TTN: variants seen among roughly 807,000 people sequenced by gnomAD.
The protein encoded by TTN is connectin.
A neutral mutation model predicts 3,223.0 loss-of-function variants in TTN; 1,525 were observed. That is an observed-to-expected ratio of 0.47 (90% CI 0.45 to 0.49). TTN has a LOEUF of 0.49. Ranked by LOEUF, TTN falls within the 20% of genes least tolerant of loss-of-function variation. The pLI is 0.00. For missense variants in TTN, 40,786 were observed against 43,424.0 expected (o/e 0.94, Z 5.40); for synonymous variants, 14,094 against 15,161.0 (o/e 0.93, Z 5.17).
intron 48 of TTN, 24 bp from the exon 49 acceptor site, chr2:178,738,384 T>TA: frequency 1.3e-6 from 2 of 1,592,290 alleles, no homozygotes; most frequent in Non-Finnish European, 1.7e-6. Flanking sequence ...TAGAGTCCAT[T>TA]AACATGCCTC....
Position 178,717,669 on chromosome 2 carries a change from T to C in TTN, c.25205A>G (p.Asp8402Gly), listed in dbSNP as rs954211095. 6.2e-7 allele frequency: 1 copy of C among 1,613,490 alleles called. No homozygotes were observed. The highest frequency in any genetic ancestry group is 1.7e-5 in the Admixed American group (1 of 59,988). ...SWYKDGVLLK[D>G]DANLQTSFVH... Reference sequence around the variant, plus strand: ...AAAAGATGTCTGCAAATTAGCATCATCTTTCAAAAGAACCCCATCCTTGTA... The same window carrying C: ...AAAAGATGTCTGCAAATTAGCATCACCTTTCAAAAGAACCCCATCCTTGTA... Residue 8402 changes from aspartate to glycine, a missense_variant, in exon 87 of 363, where the codon GAT becomes GGT. Transcript: ENST00000589042.
chr2:178,612,413 A>T lies in TTN; in HGVS notation c.50112T>A (p.Thr16704=). 1 of 1,612,538 alleles carries T rather than the reference A, an allele frequency of 6.2e-7. No homozygotes were observed. The highest frequency in any genetic ancestry group is 1.3e-5 in the African/African-American group (1 of 74,960). ...TGACTGTGCACTTGGTGTCCTTGAC[A>T]GTGGTATCCACTGTTTGCCAGCCTT... ...RRKGWQTVDT[T]VKDTKCTVTP... Residue 16704 remains threonine (T), a synonymous_variant, in exon 266 of 363, where the codon ACT becomes ACA. Transcript: ENST00000589042.
chr2:178,675,341 A>AT (rs375460605), intron 149 of TTN: 1 of 384,294 alleles, frequency 2.6e-6, no homozygotes. Flanking sequence ...TGGAGCCTCT[A>AT]TTTCTTTTTT....
In TTN at chr2:178,764,597, C is replaced by T. The variant is rs533798702; in HGVS notation, c.9918G>A (p.Ala3306=). Residue 3306 remains alanine (A), a synonymous_variant, in exon 42 of 363, where the codon GCG becomes GCA. Transcript: ENST00000589042. ...TCTTGGCTTCACAGGTATAGACTGC[C>T]GCATCCTCTGGGAAGGCTTCAATTA... is the stretch of plus-strand genomic sequence containing the variant. The part of the protein sequence containing the change: ...LLLIEAFPED[A]AVYTCEAKND... 93 of 1,614,054 alleles carry T rather than the reference C, an allele frequency of 5.8e-5. No homozygotes were observed. In the South Asian group the frequency reaches 7.1e-4, roughly 12 times the overall value.
At chr2:178,691,413 G>C (rs2072395207) in intron 121 of TTN, among the ~76,000 whole-genome samples, 1 of 152,180 alleles carries the variant, frequency 6.6e-6, no homozygotes, top group South Asian at 2.1e-4. Context: ...AAGGTACTTT[G>C]ACTAGCTAAT....
rs906140300 is a variant in TTN, at chr2:178,549,086, A to G, written c.92540T>C (p.Phe30847Ser). Residue 30847 changes from phenylalanine (F) to serine (S), a missense_variant, in exon 339 of 363, where the codon TTT becomes TCT. Transcript: ENST00000589042. ...CCCAATTATTTCCATGCCACCATCA[A>G]ACACTGGTTTGGACCATTCTAAGCT... ...TVSLEWSKPV[F>S]DGGMEIIGYI... 3 of 1,613,878 alleles carry G rather than the reference A, an allele frequency of 1.9e-6. No homozygotes were observed. The highest frequency in any genetic ancestry group is 2.5e-6 in the Non-Finnish European group (3 of 1,179,834).
chr2:178,741,775 G>A lies in TTN; in HGVS notation c.11458C>T (p.Pro3820Ser). 6.2e-7 allele frequency: 1 copy of A among 1,613,464 alleles called. No homozygotes were observed. The highest frequency in any genetic ancestry group is 1.7e-5 in the Admixed American group (1 of 59,950). ...KFDSEKEGTG[P>S]IFIKEVSNAD... ...TTTGACACTTCTTTGATGAAAATTG[G>A]GCCAGTGCCTTCCTTTTCGGAATCA... The change falls in exon 48 of 363, where the codon CCA becomes TCA. Residue 3820 changes from proline (P) to serine (S), a missense_variant. Physicochemically the swap from Pro to Ser is moderately conservative, Grantham distance 74. Coordinates refer to ENST00000589042, the MANE Select transcript of TTN (RefSeq NM_001267550.2).
chr2:178,715,530 T>A lies in TTN; in HGVS notation c.25884A>T (p.Ala8628=). The A allele has an allele frequency of 6.2e-7, 1 of 1,613,294 alleles. No individual in the cohort carries two copies. Among genetic ancestry groups the A allele is most frequent in the East Asian group, 2.2e-5 (1 of 44,858 alleles). The change falls in exon 89 of 363, where the codon GCA becomes GCT. Residue 8628 remains alanine (A), a synonymous_variant. Coordinates refer to ENST00000589042, the MANE Select transcript of TTN (RefSeq NM_001267550.2). ...AGGATGTGCTGCTGCTGGCACTGCC[T>A]GCTGCATTGTGGGCCTCACAGGTGT... ...GDYTCEAHNA[A]GSASSSTSLK...
rs1710100033 is a variant in TTN, at chr2:178,576,366, A to G, written c.69766T>C (p.Ser23256Pro). The G allele has an allele frequency of 2.6e-6, 4 of 1,557,780 alleles. No homozygotes were observed. The highest frequency in any genetic ancestry group is 3.5e-6 in the Non-Finnish European group (4 of 1,159,122). Residue 23256 changes from serine (S) to proline (P), a missense_variant, in exon 326 of 363, where the codon TCT becomes CCT. Coordinates refer to ENST00000589042, the MANE Select transcript of TTN (RefSeq NM_001267550.2). The surrounding 1 kb of genome is among the most constrained non-coding windows in gnomAD (Gnocchi z 4.3). ...GGCTTGCCCCATGCCAAAGAAGCAG[A>G]TTTCTTGGTAGTATCAGTGACATGC... ...NPHVTDTTKK[S>P]ASLAWGKPHY...
At chr2:178,695,450 A>G (rs1157286847) in intron 114 of TTN, 40 bp from the exon 115 acceptor site, 1 of 1,528,626 alleles carries the variant, frequency 6.5e-7, no homozygotes, top group Admixed American at 1.7e-5. Context: ...ATGCTTAAAT[A>G]GGTAAGTTCT....
Position 178,579,847 on chromosome 2 carries a change from T to C in TTN, c.67350A>G (p.Gln22450=), listed in dbSNP as rs1207003023. 1.2e-6 allele frequency: 2 copies of C among 1,612,514 alleles called. No individual in the cohort carries two copies. Among genetic ancestry groups the C allele is most frequent in the South Asian group, 2.2e-5 (2 of 90,940 alleles). ...TCAGGTCCACAACTGGTCCAGGAGT[T>C]TCTAAAGCAAAGGAGAAATGATAAG... The part of the protein sequence containing the change: ...GETRDAVKAS[Q]TPGPVVDLKV... Residue 22450 remains glutamine (Q), a splice_region_variant and synonymous_variant, in exon 319 of 363, where the codon CAA becomes CAG. Transcript: ENST00000589042.
intron 7 of TTN, 81 bp downstream of exon 7, chr2:178,794,841 A>T (rs760138518): frequency 4.5e-5 from 70 of 1,552,964 alleles, no homozygotes; most frequent in Non-Finnish European, 5.9e-5. Context: ...TCCAATTTAT[A>T]CAGACTGAGT....
chr2:178,588,482 T>A, intron 304 of TTN, 56 bp downstream of exon 304: 1 of 1,470,130 alleles, frequency 6.8e-7, no homozygotes. Context: ...TATCGAATAC[T>A]TCTGTGCTTG....
chr2:178,718,004 A>G lies in TTN; in HGVS notation c.25002T>C (p.Tyr8334=), dbSNP rs371334680. The G allele has an allele frequency of 1.2e-4, 189 of 1,613,690 alleles. No homozygotes were observed. The highest frequency in any genetic ancestry group is 1.6e-4 in the Non-Finnish European group (186 of 1,179,740). ...NKVDHSDVGE[Y]SCKADNSVGA... The stretch of plus-strand genomic sequence containing the variant: ...CCACACTGTTGTCTGCCTTGCATGA[A>G]TACTCTCCCACATCACTGTGATCCA... The change falls in exon 86 of 363, where the codon TAT becomes TAC. Residue 8334 remains tyrosine, a synonymous_variant. Coordinates refer to ENST00000589042, the MANE Select transcript of TTN (RefSeq NM_001267550.2).
At position 178,610,214 on chromosome 2, in the gene TTN, C is replaced by G. The variant is rs2055985195; in HGVS notation, c.51312G>C (p.Leu17104=). 6.2e-7 allele frequency: 1 copy of G among 1,612,884 alleles called. No individual in the cohort carries two copies. Among genetic ancestry groups the G allele is most frequent in the South Asian group, 1.1e-5 (1 of 91,060 alleles). Residue 17104 remains leucine (L), a synonymous_variant, in exon 271 of 363, where the codon CTG becomes CTC. Coordinates refer to ENST00000589042, the MANE Select transcript of TTN (RefSeq NM_001267550.2). ...GTATGAGATCCTTCACAGTCCATGA[C>G]AGTTTGTTCTCACCAGACATGACTG... ...YIPVMSGENK[L]SWTVKDLIPN... is the part of the protein sequence containing the mutation.
chr2:178,672,599 C>A (rs745427425), intron 153 of TTN, 36 bp downstream of exon 153: 3 of 1,609,904 alleles, frequency 1.9e-6, no homozygotes, highest in African/African-American at 2.7e-5. Flanking sequence ...CGAAAAAAGA[C>A]AGAAGAGGAA....
intron 47 of TTN, chr2:178,747,861 T>C (rs370411736): frequency 1.9e-6 from 3 of 1,612,924 alleles, no homozygotes; most frequent in Non-Finnish European, 2.5e-6. Flanking sequence ...TTTGTACTTA[T>C]TTGTTCACCT....
Position 178,704,241 on chromosome 2 carries a change from A to G in TTN, c.30129T>C (p.His10043=), listed in dbSNP as rs764724866. The change falls in exon 106 of 363, where the codon CAT becomes CAC. Residue 10043 remains histidine, a synonymous_variant. Transcript: ENST00000589042. ...RHKTEVEHKV[H]KLTIADVRAE... is the part of the protein sequence containing the mutation. ...CTCGAACATCTGCAATGGTCAATTT[A>G]TGGACTTTGTGTTCCACTTCTGTTT... is the stretch of plus-strand genomic sequence containing the variant. 66 of 1,613,846 alleles carry G rather than the reference A, an allele frequency of 4.1e-5. No individual in the cohort carries two copies. Among genetic ancestry groups the G allele is most frequent in the Non-Finnish European group, 5.5e-5 (65 of 1,179,878 alleles).
rs749875797 is a variant in TTN, at chr2:178,684,313, T to C, written c.32722+17A>G. On this transcript the variant is annotated intron_variant, in intron 132 of 362. Transcript: ENST00000589042. ...AGGGCAAGTACAATATTGTGCATAA[T>C]GGAAGGGCGGATGTACCTCTTGCTT... is the stretch of plus-strand genomic sequence containing the variant. 8.7e-6 allele frequency: 14 copies of C among 1,612,038 alleles called. No homozygotes were observed. In the Admixed American group the frequency reaches 2.0e-4, roughly 23 times the overall value.
Sources: gnomAD v4.1 joint callset for allele counts (sites outside exome capture counted in the v4.1 genomes callset) on GRCh38, gnomAD v4.1.1 for gene constraint, Gnocchi (gnomAD v3.1) non-coding constraint, MANE v1.5 for transcripts, NCBI Gene and HGNC (gene_info 2026-07-23, HGNC 2026-07-21) for gene names.